Variants in WDR11 observed in about 807,000 individuals in gnomAD.
WDR11 encodes the protein WD repeat domain 11, also known as WD repeat-containing protein 11.
In WDR11, 83 loss-of-function variants were observed where a neutral mutation model predicts 151.2. That is an observed-to-expected ratio of 0.55 (90% CI 0.46 to 0.66). The LOEUF is 0.66. WDR11 is among the 30% of genes least tolerant of loss of function. WDR11 has a pLI of 0.00. For synonymous variants in WDR11, 484 were observed against 533.1 expected (o/e 0.91, Z 1.27); for missense variants, 1,301 against 1,480.9 (o/e 0.88, Z 1.99).
intron 9 of WDR11, among the ~76,000 whole-genome samples, chr10:120,869,871 C>T (rs1259363648): frequency 1.3e-5 from 2 of 152,072 alleles, no homozygotes; most frequent in Non-Finnish European, 2.9e-5. Context: ...CTCATTGCAA[C>T]CTCCACCTCC....
chr10:120,880,601 G>A (rs1846965273), intron 12 of WDR11: 1 of 467,878 alleles, frequency 2.1e-6, no homozygotes, highest in Non-Finnish European at 3.9e-6. Context: ...GGAGGTTGCA[G>A]TGAGCCAAGA....
intron 19 of WDR11, among the ~76,000 whole-genome samples, chr10:120,893,913 T>C (rs1316951466): frequency 4.6e-5 from 7 of 152,218 alleles, no homozygotes. Context: ...TTCTGGATAT[T>C]AGCCCTTCGT....
At position 120,865,691 on chromosome 10, in the gene WDR11, T is replaced by C. The variant is rs751270421; in HGVS notation, c.941T>C (p.Leu314Ser). 7.4e-6 allele frequency: 12 copies of C among 1,611,160 alleles called. No individual in the cohort carries two copies. The highest frequency in any genetic ancestry group is 1.7e-5 in the Admixed American group (1 of 59,976). ...CTACATGAAAATGGTTGTATAACTT[T>C]ACGTGTTCGAAGATCTTATAATAAC... is the stretch of plus-strand genomic sequence containing the variant. ...FCLHENGCIT[L>S]RVRRSYNNIF... The change falls in exon 7 of 29, where the codon TTA (leucine) becomes TCA (serine). Residue 314 changes from leucine to serine, a missense_variant. Around this residue, in one of 3 missense-constraint regions of WDR11, gnomAD observed 692 missense variants for 762.5 expected, o/e 0.91. Transcript: ENST00000263461.
At chr10:120,889,591 AGGATCAGTAAACTCGT>A (rs1847349193) in intron 17 of WDR11, 2 of 440,710 alleles carry the variant, frequency 4.5e-6, no homozygotes, top group Admixed American at 7.0e-5. Context: ...CTTGGCAAGA[AGGATCAGTAAACTCGT>A]GGAGGTGTAG....
chr10:120,867,559 A>G (rs537207391), intron 9 of WDR11, among the ~76,000 whole-genome samples: 1 of 152,286 alleles, frequency 6.6e-6, no homozygotes, highest in Admixed American at 6.5e-5. Flanking sequence ...TGCTACTCCT[A>G]ATTCAAAATT....
At chr10:120,877,825 A>G (rs1422368974) in intron 11 of WDR11, among the ~76,000 whole-genome samples, 1 of 152,238 alleles carries the variant, frequency 6.6e-6, no homozygotes. Context: ...CCGGGGACTC[A>G]TGACAGCAGA....
rs143876241 is a variant in WDR11, at chr10:120,858,698, G to A, written c.254G>A (p.Arg85Gln). 67 of 1,614,046 alleles carry A rather than the reference G, an allele frequency of 4.2e-5. No individual in the cohort carries two copies. In the East Asian group the frequency reaches 1.0e-3, roughly 25 times the overall value. ...HHNIGSPYCLRLASADVNGKI... is the reference protein window; with the variant it reads ...HHNIGSPYCLQLASADVNGKI... ...AACATTGGCTCACCATATTGCTTAC[G>A]GTTAGCTTCTGCTGATGTCAATGGG... is the stretch of plus-strand genomic sequence containing the variant. The change falls in exon 3 of 29, where the codon CGG becomes CAG. Residue 85 changes from arginine (R) to glutamine (Q), a missense_variant. Coordinates refer to ENST00000263461, the MANE Select transcript of WDR11 (RefSeq NM_018117.12).
intron 21 of WDR11, 85 bp from the exon 22 acceptor site, chr10:120,902,167 TTTTCA>T (rs1359431286): frequency 2.8e-6 from 3 of 1,063,528 alleles, no homozygotes; most frequent in Non-Finnish European, 2.9e-6. Context: ...TGACTGGAAT[TTTTCA>T]TTTCAAGAGT....
chr10:120,903,576 C>G (rs1241715152), intron 23 of WDR11, among the ~76,000 whole-genome samples: 2 of 146,412 alleles, frequency 1.4e-5, no homozygotes, highest in Non-Finnish European at 3.0e-5. Flanking sequence ...AAAGCCTGAT[C>G]AAGATTTGAA....
rs1213265520 is a variant in WDR11, at chr10:120,867,011, A to T, written c.1191-55A>T. ...CTGGACTTAATACTTTGAATTCCTA[A>T]TACGTAATGCAGATTTTAAGTATGT... On this transcript the variant is annotated intron_variant, in intron 8 of 28. Coordinates refer to ENST00000263461, the MANE Select transcript of WDR11 (RefSeq NM_018117.12). 3 of 1,401,492 alleles carry T rather than the reference A, an allele frequency of 2.1e-6. No individual in the cohort carries two copies. The African/African-American group carries it at 4.2e-5, about 20-fold the overall frequency. The allele number at this position is 1,401,492 out of a possible 1,614,324, so 86.8% of individuals were successfully genotyped here. A position where few individuals can be genotyped will look rare whatever the true frequency, so the allele number is the denominator to read the frequency against.
At chr10:120,872,569 T>TATAAA (rs59963442) in intron 10 of WDR11, among the ~76,000 whole-genome samples, 151,135 of 152,180 alleles carry the variant, frequency 0.99, 75,053 homozygotes, top group Middle Eastern at 1. Context: ...AAAGTAAAAA[T>TATAAA]ATAAGTACCT....
chr10:120,861,391 G>T (rs1226617943), intron 4 of WDR11, among the ~76,000 whole-genome samples: 1 of 152,124 alleles, frequency 6.6e-6, no homozygotes, highest in Non-Finnish European at 1.5e-5. Flanking sequence ...CACTCACTTG[G>T]TCACCAGTTT....
At chr10:120,864,999 C>A in intron 5 of WDR11, 48 bp from the exon 6 acceptor site, 1 of 1,584,764 alleles carries the variant, frequency 6.3e-7, no homozygotes, top group South Asian at 1.1e-5. Context: ...TTTATTAGGT[C>A]TGATATAAAT....
At position 120,902,955 on chromosome 10, in the gene WDR11, A is replaced by G. The variant is rs550542377; in HGVS notation, c.2754-100A>G. 42 of 1,235,450 alleles carry G rather than the reference A, an allele frequency of 3.4e-5. No homozygotes were observed. In the African/African-American group the frequency reaches 5.8e-4, roughly 17 times the overall value. 76.5% of individuals were successfully genotyped at this position (1,235,450 alleles called of 1,614,324 possible). ...AGGCCCCATGCCAGTATCCCAGTGGATATGTGACAACACTCCCTTCCAGTC... is the reference window on the plus strand; with the variant it reads ...AGGCCCCATGCCAGTATCCCAGTGGGTATGTGACAACACTCCCTTCCAGTC... On this transcript the variant is annotated intron_variant, in intron 22 of 28. Transcript: ENST00000263461.
At position 120,869,327 on chromosome 10, in the gene WDR11, A is replaced by T. The variant is rs890808265; in HGVS notation, c.1295-1843A>T. On this transcript the variant is annotated intron_variant, in intron 9 of 28. Coordinates refer to ENST00000263461, the MANE Select transcript of WDR11 (RefSeq NM_018117.12). ...ACGGGGTTTCACTGTGTTAGCCAGG[A>T]TGGTCTCGATCTCCTGACCTCGTGA... Among the ~76,000 whole-genome samples the T allele has an allele frequency of 4.6e-5, 7 of 151,864 alleles. No individual in the cohort carries two copies. In the South Asian group the frequency reaches 1.5e-3, roughly 32 times the overall value.
rs1846321537 is a variant in WDR11 at position 120,866,631 on chromosome 10, A to C, written c.1057A>C (p.Thr353Pro). The C allele has an allele frequency of 1.9e-6, 3 of 1,614,090 alleles. No homozygotes were observed. The highest frequency in any genetic ancestry group is 2.5e-6 in the Non-Finnish European group (3 of 1,180,052). ...LRSQCDAIRV[T>P]KTVRPFSMVC... ...AAGCCAGTGTGATGCAATCAGGGTG[A>C]CAAAAACCGTCCGTCCCTTCAGTAT... The change falls in exon 8 of 29, where the codon ACA (threonine) becomes CCA (proline). Residue 353 changes from threonine to proline, a missense_variant. Physicochemically the swap from Thr to Pro is conservative, Grantham distance 38 (BLOSUM62 -1). This residue lies in a region of WDR11 where 692 missense variants were observed against 762.5 expected (regional missense o/e 0.91). Coordinates refer to ENST00000263461, the MANE Select transcript of WDR11 (RefSeq NM_018117.12).
chr10:120,867,616 CTCT>C (rs1214391877), intron 9 of WDR11, among the ~76,000 whole-genome samples: 1 of 152,144 alleles, frequency 6.6e-6, no homozygotes, highest in Non-Finnish European at 1.5e-5. Context: ...AATTTAAATG[CTCT>C]TCTTTTGTTT....
At chr10:120,885,098 G>A (rs1259023611) in intron 14 of WDR11, 3 of 152,182 alleles carry the variant, frequency 2.0e-5, no homozygotes, top group Admixed American at 6.6e-5. Context: ...CTTTTGCAAG[G>A]ATATTGACTG....
Position 120,865,703 on chromosome 10 carries a change from G to T in WDR11, c.953G>T (p.Arg318Ile). 1 of 1,610,606 alleles carries T rather than the reference G, an allele frequency of 6.2e-7. No homozygotes were observed. The highest frequency in any genetic ancestry group is 1.7e-5 in the Admixed American group (1 of 59,974). ...ENGCITLRVR[R>I]SYNNIFTTSN... is the part of the protein sequence containing the mutation. ...GGTTGTATAACTTTACGTGTTCGAA[G>T]ATCTTATAATAACATTTTTACCACT... The change falls in exon 7 of 29, where the codon AGA becomes ATA. Residue 318 changes from arginine to isoleucine, a missense_variant. Coordinates refer to ENST00000263461, the MANE Select transcript of WDR11 (RefSeq NM_018117.12).
Sources: allele counts gnomAD v4.1 joint callset (sites outside exome capture counted in the v4.1 genomes callset), GRCh38; gene constraint gnomAD v4.1.1; regional missense constraint gnomAD v4.1.1; transcripts MANE v1.5; gene names NCBI Gene and HGNC (gene_info 2026-07-23, HGNC 2026-07-21).